The following PTPRD variants were observed in gnomAD, a reference collection of about 807,000 sequenced individuals.
The protein encoded by PTPRD is receptor-type tyrosine-protein phosphatase delta.
Under a neutral mutation model 214.5 loss-of-function variants are expected in PTPRD, and 34 were observed. That is an observed-to-expected ratio of 0.16 (90% CI 0.12 to 0.21). PTPRD has a LOEUF of 0.21. Among genes scored for constraint, PTPRD ranks in the 10% least tolerant of loss-of-function variants. The pLI is 1.00. For missense variants in PTPRD, 2,545 were observed against 2,398.7 expected (o/e 1.06, Z -1.27); for synonymous variants, 1,128 against 845.7 (o/e 1.33, Z -5.79).
At chr9:9,096,891 T>C (rs958528341) in intron 10 of PTPRD, among the ~76,000 whole-genome samples, 13 of 152,194 alleles carry the variant, frequency 8.5e-5, no homozygotes, top group African/African-American at 3.1e-4. Context: ...AGGTACACTT[T>C]GATGAGTGAG....
At chr9:10,447,372 G>A (rs1462255288) in intron 2 of PTPRD, among the ~76,000 whole-genome samples, 1 of 151,886 alleles carries the variant, frequency 6.6e-6, no homozygotes, top group African/African-American at 2.4e-5. Context: ...TTGATTGAAG[G>A]TACCTTTGGG....
chr9:9,628,550 A>T (rs2095492335), intron 7 of PTPRD, among the ~76,000 whole-genome samples: 1 of 151,894 alleles, frequency 6.6e-6, no homozygotes, highest in Admixed American at 6.6e-5. Flanking sequence ...AAATCCTTTC[A>T]CTCCCCTTGG....
intron 3 of PTPRD, among the ~76,000 whole-genome samples, chr9:10,153,510 T>A (rs1298089218): frequency 6.7e-6 from 1 of 149,684 alleles, no homozygotes; most frequent in East Asian, 1.9e-4. Flanking sequence ...TTTTATATAT[T>A]ATATATATAT....
chr9:9,445,693 T>A (rs1204782283), intron 8 of PTPRD, among the ~76,000 whole-genome samples: 4 of 152,072 alleles, frequency 2.6e-5, no homozygotes, highest in Non-Finnish European at 5.9e-5. Context: ...ATGGGGTAAA[T>A]GCCCCCATGA....
At chr9:9,251,363 A>G (rs940930593) in intron 9 of PTPRD, among the ~76,000 whole-genome samples, 5 of 152,116 alleles carry the variant, frequency 3.3e-5, no homozygotes, top group Admixed American at 6.6e-5. Flanking sequence ...CTTTTCTAGC[A>G]ATATATCTTC....
intron 7 of PTPRD, among the ~76,000 whole-genome samples, chr9:9,727,438 G>A (rs1192827669): frequency 6.6e-6 from 1 of 152,112 alleles, no homozygotes; most frequent in Non-Finnish European, 1.5e-5. Flanking sequence ...TAACCAGAGT[G>A]AGACCCTGTC....
chr9:8,492,614 CAA>C (rs34457270), intron 27 of PTPRD, among the ~76,000 whole-genome samples: 5,760 of 104,590 alleles, frequency 0.055, 202 homozygotes, highest in African/African-American at 0.11. Flanking sequence ...AGAAGGTGCT[CAA>C]AAAAAAAAAA....
intron 9 of PTPRD, among the ~76,000 whole-genome samples, chr9:9,360,826 G>A (rs2055838583): frequency 6.6e-6 from 1 of 151,102 alleles, no homozygotes; most frequent in East Asian, 1.9e-4. Context: ...ATGTGAGGAA[G>A]TGGATTTGAT....
chr9:9,160,944 T>C (rs77054243), intron 10 of PTPRD, among the ~76,000 whole-genome samples: 3,618 of 152,252 alleles, frequency 0.024, 138 homozygotes, highest in African/African-American at 0.075. Context: ...AAATACCACA[T>C]GATCTCACTT....
At chr9:9,638,016 C>T (rs1418184712) in intron 7 of PTPRD, among the ~76,000 whole-genome samples, 1 of 152,136 alleles carries the variant, frequency 6.6e-6, no homozygotes, top group African/African-American at 2.4e-5. Context: ...CATTCTGGGC[C>T]TGTATAGGAG....
chr9:9,188,808 TTGTGTGTGTG>T (rs5896310), intron 9 of PTPRD, among the ~76,000 whole-genome samples: 149 of 148,504 alleles, frequency 1.0e-3, no homozygotes, highest in African/African-American at 2.2e-3. Flanking sequence ...GCAAAATAAA[TTGTGTGTGTG>T]TGTGTGTGTG....
intron 14 of PTPRD, among the ~76,000 whole-genome samples, chr9:8,611,701 C>T (rs987812390): frequency 1.4e-5 from 2 of 145,292 alleles, no homozygotes; most frequent in Admixed American, 1.4e-4. Flanking sequence ...AGGGCAAGAC[C>T]CTGTCAAAAG....
At chr9:9,419,128 T>TACAC (rs142908778) in intron 8 of PTPRD, among the ~76,000 whole-genome samples, 45,679 of 139,714 alleles carry the variant, frequency 0.33, 7,365 homozygotes, top group South Asian at 0.38. Flanking sequence ...AGGCCCCTTA[T>TACAC]ACACACACAC....
intron 10 of PTPRD, among the ~76,000 whole-genome samples, chr9:9,059,395 C>G (rs1044344312): frequency 3.3e-5 from 5 of 152,064 alleles, no homozygotes; most frequent in African/African-American, 1.2e-4. Context: ...GAAATGGGAA[C>G]CCTCAAGGCA....
chr9:9,173,032 T>C (rs2099922430), intron 10 of PTPRD, among the ~76,000 whole-genome samples: 1 of 152,114 alleles, frequency 6.6e-6, no homozygotes, highest in Admixed American at 6.6e-5. Flanking sequence ...CTTCGTTTAT[T>C]TCCCAGTCAT....
At chr9:9,840,211 C>A (rs10122671) in intron 5 of PTPRD, among the ~76,000 whole-genome samples, 1 of 151,640 alleles carries the variant, frequency 6.6e-6, no homozygotes, top group Non-Finnish European at 1.5e-5. Flanking sequence ...CTAATTTTTG[C>A]ATTTTTTGTA....
chr9:8,442,322 T>G (rs1424029728), intron 34 of PTPRD, among the ~76,000 whole-genome samples: 1 of 151,864 alleles, frequency 6.6e-6, no homozygotes, highest in African/African-American at 2.4e-5. Context: ...GAAAAATATT[T>G]ATCAAACACT....
At chr9:8,932,484 C>T (rs570443304) in intron 11 of PTPRD, among the ~76,000 whole-genome samples, 2 of 152,298 alleles carry the variant, frequency 1.3e-5, no homozygotes, top group Admixed American at 6.5e-5. Context: ...TACCCTTTCC[C>T]CCAGGTGCTC....
intron 8 of PTPRD, among the ~76,000 whole-genome samples, chr9:9,567,150 A>T (rs1265392281): frequency 6.6e-6 from 1 of 152,000 alleles, no homozygotes; most frequent in African/African-American, 2.4e-5. Flanking sequence ...GTGGCATTTG[A>T]GCTGAAATTT....
Sources: allele counts gnomAD v4.1 joint callset (sites outside exome capture counted in the v4.1 genomes callset), GRCh38; gene constraint gnomAD v4.1.1; transcripts MANE v1.5; gene names NCBI Gene and HGNC (gene_info 2026-07-23, HGNC 2026-07-21).